The following ZBTB7C variants were observed in gnomAD, a reference collection of about 807,000 sequenced individuals.
ZBTB7C encodes zinc finger and BTB domain-containing protein 7C.
In ZBTB7C, 8 loss-of-function variants were observed where a neutral mutation model predicts 25.7. The ratio of observed to expected loss-of-function variants is 0.31; its 90% CI spans 0.18 to 0.56. The LOEUF (loss-of-function observed/expected upper bound fraction) is 0.56, where lower values mean the gene tolerates loss of function less well. ZBTB7C is among the 20% of genes least tolerant of loss of function. The pLI is 0.91. For missense variants in ZBTB7C, 824 were observed against 855.2 expected (o/e 0.96, Z 0.46); for synonymous variants, 394 against 369.0 (o/e 1.07, Z -0.78).
At chr18:48,217,232 T>C (rs1385580199) in intron 2 of ZBTB7C, among the ~76,000 whole-genome samples, 4 of 152,180 alleles carry the variant, frequency 2.6e-5, no homozygotes, top group African/African-American at 9.7e-5. Context: ...TACGGCAGCC[T>C]GAGCAAACGA....
chr18:48,322,516 G>C (rs1026267368), intron 2 of ZBTB7C, among the ~76,000 whole-genome samples: 2 of 152,232 alleles, frequency 1.3e-5, no homozygotes, highest in African/African-American at 4.8e-5. Context: ...GGCCAGTTCA[G>C]AAAACCAAGC....
chr18:48,083,986 C>T (rs965487720), intron 3 of ZBTB7C: 56 of 665,082 alleles, frequency 8.4e-5, no homozygotes, highest in South Asian at 1.3e-4. Flanking sequence ...CAGGGACAGC[C>T]TCCTCCCTTG....
chr18:48,138,644 A>C (rs2040247378), intron 3 of ZBTB7C, among the ~76,000 whole-genome samples: 4 of 152,108 alleles, frequency 2.6e-5, no homozygotes, highest in Admixed American at 2.0e-4. Flanking sequence ...GGGAAGAAGC[A>C]GGGGTGCTTC....
chr18:48,069,038 G>A (rs1268180981), intron 3 of ZBTB7C, among the ~76,000 whole-genome samples: 2 of 152,248 alleles, frequency 1.3e-5, no homozygotes, highest in Non-Finnish European at 2.9e-5. Context: ...CGTGGCACCT[G>A]CCAGGTAGGC....
chr18:48,250,970 T>A (rs1599191141), intron 2 of ZBTB7C, among the ~76,000 whole-genome samples: 1 of 152,226 alleles, frequency 6.6e-6, no homozygotes, highest in East Asian at 1.9e-4. Flanking sequence ...ATGCCTATAA[T>A]CCCAGCACTT....
At chr18:48,110,391 C>A (rs895644773) in intron 3 of ZBTB7C, among the ~76,000 whole-genome samples, 1 of 152,310 alleles carries the variant, frequency 6.6e-6, no homozygotes, top group South Asian at 2.1e-4. Context: ...TCTTAGCCAG[C>A]CTGCTCTGCA....
intron 2 of ZBTB7C, among the ~76,000 whole-genome samples, chr18:48,307,479 G>A (rs1222352032): frequency 6.6e-6 from 1 of 152,172 alleles, no homozygotes; most frequent in East Asian, 1.9e-4. Flanking sequence ...TTAGACCTGA[G>A]CACTTCCAGC....
chr18:48,155,477 G>A (rs1368733000), intron 3 of ZBTB7C, among the ~76,000 whole-genome samples: 2 of 150,612 alleles, frequency 1.3e-5, no homozygotes, highest in South Asian at 2.1e-4. Context: ...ACAGGTGCCC[G>A]CCACTACACC....
At chr18:48,083,630 T>C (rs2038076308) in intron 3 of ZBTB7C, among the ~76,000 whole-genome samples, 1 of 152,164 alleles carries the variant, frequency 6.6e-6, no homozygotes, top group African/African-American at 2.4e-5. Context: ...TGCTGGGACA[T>C]GGAAATCTCT....
chr18:48,145,029 T>C (rs1022833279), intron 3 of ZBTB7C, among the ~76,000 whole-genome samples: 1 of 152,150 alleles, frequency 6.6e-6, no homozygotes, highest in African/African-American at 2.4e-5. Flanking sequence ...GGGAGGCCTC[T>C]GCTCTAGAAT....
chr18:48,225,896 C>T (rs534565212), intron 2 of ZBTB7C, among the ~76,000 whole-genome samples: 12 of 152,274 alleles, frequency 7.9e-5, no homozygotes, highest in Non-Finnish European at 1.5e-4. Context: ...GCAGACACCA[C>T]CACGCCCAGC....
At chr18:48,297,555 G>A (rs916346284) in intron 2 of ZBTB7C, among the ~76,000 whole-genome samples, 1 of 152,078 alleles carries the variant, frequency 6.6e-6, no homozygotes, top group Non-Finnish European at 1.5e-5. Flanking sequence ...TGTTCGTCTG[G>A]AACATGGCAG....
rs1568190749 is a variant in ZBTB7C at position 48,067,105 on chromosome 18, A to AAAACAAAACAAAAC, written c.-16-25983_-16-25982insGTTTTGTTTTGTTT. Among the ~76,000 whole-genome samples, 248 of 152,042 alleles carry AAAACAAAACAAAAC rather than the reference A, an allele frequency of 1.6e-3. 4 individuals carry two copies. The East Asian group carries it at 0.033, about 20-fold the overall frequency. On this transcript the variant is annotated intron_variant, in intron 3 of 4. Transcript: ENST00000590800. Reference sequence around the variant, plus strand: ...TGACAGAGCAAGTCTCCATCTCCAAAAAAACAAAACAAAACAAAACAAAAC... The same window carrying AAAACAAAACAAAAC: ...TGACAGAGCAAGTCTCCATCTCCAAAAAACAAAACAAAACAAAACAAAACAAAACAAAACAAAAC...
intron 2 of ZBTB7C, among the ~76,000 whole-genome samples, chr18:48,201,533 C>A (rs2042447467): frequency 6.6e-6 from 1 of 152,020 alleles, no homozygotes; most frequent in Admixed American, 6.6e-5. Context: ...ATTCGATTTT[C>A]CACACATCTT....
intron 3 of ZBTB7C, among the ~76,000 whole-genome samples, chr18:48,135,905 G>T (rs1033863754): frequency 2.6e-5 from 4 of 152,372 alleles, no homozygotes; most frequent in Non-Finnish European, 4.4e-5. Flanking sequence ...TTCCTTCTGC[G>T]CGAAGCTGGG....
rs73955675 is a variant in ZBTB7C at position 48,273,730 on chromosome 18, T to C, written c.-79+64444A>G. ...TCATGGTATATGGATAATAGTTACATAATTTCTCTGTACACTTCTACATGT... is the reference window on the plus strand; with the variant it reads ...TCATGGTATATGGATAATAGTTACACAATTTCTCTGTACACTTCTACATGT... On this transcript the variant is annotated intron_variant, in intron 2 of 4. Coordinates refer to ENST00000590800, the MANE Select transcript of ZBTB7C (RefSeq NM_001318841.2). Among the ~76,000 whole-genome samples, 927 of 152,286 alleles carry C rather than the reference T, an allele frequency of 6.1e-3. 8 individuals are homozygous for C. Among genetic ancestry groups the C allele is most frequent in the African/African-American group, 0.021 (882 of 41,572 alleles).
chr18:48,047,855 T>C (rs558228219), intron 3 of ZBTB7C, among the ~76,000 whole-genome samples: 19 of 152,304 alleles, frequency 1.2e-4, no homozygotes, highest in Non-Finnish European at 2.1e-4. Context: ...CTGAAAGATA[T>C]AGATTTTTAT....
chr18:48,068,002 C>G (rs985649208), intron 3 of ZBTB7C, among the ~76,000 whole-genome samples: 2 of 152,042 alleles, frequency 1.3e-5, no homozygotes, highest in African/African-American at 4.8e-5. Flanking sequence ...ACTCTGTCAT[C>G]AATCAATCAA....
At chr18:48,381,003 T>G (rs1039037213) in intron 1 of ZBTB7C, among the ~76,000 whole-genome samples, 1 of 152,188 alleles carries the variant, frequency 6.6e-6, no homozygotes, top group African/African-American at 2.4e-5. Flanking sequence ...AGTTCCAGAT[T>G]TCTCAGTGAA....
Sources: allele counts gnomAD v4.1 joint callset (sites outside exome capture counted in the v4.1 genomes callset), GRCh38; gene constraint gnomAD v4.1.1; transcripts MANE v1.5; gene names NCBI Gene and HGNC (gene_info 2026-07-23, HGNC 2026-07-21).